RBBP8: variants seen among roughly 807,000 people sequenced by gnomAD.
RBBP8 encodes the protein RB binding protein 8, endonuclease.
A neutral mutation model predicts 108.3 loss-of-function variants in RBBP8; 88 were observed. The observed-to-expected ratio is 0.81, with a 90% confidence interval of 0.68 to 0.97. RBBP8 has a LOEUF of 0.97. Ranked by LOEUF, RBBP8 falls within the 50% of genes least tolerant of loss-of-function variation. The pLI, the probability that RBBP8 is intolerant of heterozygous loss-of-function variation, is 0.00. For missense variants in RBBP8, 1,023 were observed against 1,049.0 expected, an observed-to-expected ratio of 0.98 and a Z score of 0.34; for synonymous variants, 332 against 348.2, an observed-to-expected ratio of 0.95 and a Z score of 0.52.
chr18:22,948,260 C>G (rs1001354329), intron 3 of RBBP8, among the ~76,000 whole-genome samples: 3 of 152,126 alleles, frequency 2.0e-5, no homozygotes, highest in East Asian at 3.9e-4. Context: ...CATGATTAAT[C>G]ACACCTCCAG....
intron 6 of RBBP8, among the ~76,000 whole-genome samples, chr18:22,976,836 T>G (rs1176399840): frequency 6.6e-6 from 1 of 152,102 alleles, no homozygotes; most frequent in Non-Finnish European, 1.5e-5. Flanking sequence ...AGATAGACGA[T>G]TGCCTCAAAA....
Position 23,012,207 on chromosome 18 carries a change from C to CAAAAAAAA in RBBP8, c.2358-4621_2358-4620insAAAAAAAA, listed in dbSNP as rs368600707. 4.3e-3 allele frequency among the ~76,000 whole-genome samples: 352 copies of CAAAAAAAA among 81,100 alleles called. 88 individuals carry two copies. The highest frequency in any genetic ancestry group is 0.01 in the African/African-American group (221 of 21,350). The allele number at this position is 81,100 out of a possible 152,430, so 53.2% of individuals were successfully genotyped here. A position where few individuals can be genotyped will look rare whatever the true frequency, so the allele number is the denominator to read the frequency against. On this transcript the variant is annotated intron_variant, in intron 16 of 18. Coordinates refer to ENST00000327155, the MANE Select transcript of RBBP8 (RefSeq NM_002894.3). ...TGGGAGACAAAGTGAGATGCTGTCT[C>CAAAAAAAA]CAAAAAAAAAAAAAAAAAAAAAAAC...
intron 3 of RBBP8, among the ~76,000 whole-genome samples, chr18:22,947,681 G>T (rs1359765651): frequency 6.6e-6 from 1 of 151,972 alleles, no homozygotes; most frequent in Admixed American, 6.6e-5. Flanking sequence ...TGAGGTCCAG[G>T]GTAGACCTGT....
At chr18:22,992,415 C>A (rs1425339627) in intron 10 of RBBP8, among the ~76,000 whole-genome samples, 1 of 152,116 alleles carries the variant, frequency 6.6e-6, no homozygotes, top group Non-Finnish European at 1.5e-5. Context: ...AGGCTGGCCT[C>A]GAACTTCTGG....
chr18:23,001,182 A>C (rs923986313), intron 14 of RBBP8, among the ~76,000 whole-genome samples: 1 of 152,234 alleles, frequency 6.6e-6, no homozygotes, highest in Non-Finnish European at 1.5e-5. Context: ...GACAGCTTGC[A>C]AGTAACATTC....
At chr18:22,983,877 C>T (rs1023557211) in intron 7 of RBBP8, among the ~76,000 whole-genome samples, 2 of 92,122 alleles carry the variant, frequency 2.2e-5, no homozygotes, top group Admixed American at 1.3e-4. Flanking sequence ...GTCAGGAGAT[C>T]GAGACCATCC....
intron 5 of RBBP8, among the ~76,000 whole-genome samples, chr18:22,970,126 A>G (rs183198086): frequency 6.0e-4 from 92 of 152,322 alleles, no homozygotes; most frequent in Non-Finnish European, 1.0e-3. Flanking sequence ...TGCAGTCTCT[A>G]CGCATCACTT....
chr18:22,937,437 A>G (rs1320666785), intron 2 of RBBP8, among the ~76,000 whole-genome samples: 5 of 151,048 alleles, frequency 3.3e-5, no homozygotes, highest in South Asian at 2.1e-4. Flanking sequence ...AATTCAGTCC[A>G]CTGTTGAATT....
At chr18:22,935,513 A>T (rs923268120) in intron 1 of RBBP8, among the ~76,000 whole-genome samples, 39 of 152,170 alleles carry the variant, frequency 2.6e-4, no homozygotes, top group African/African-American at 9.4e-4. Flanking sequence ...ATTTTTGCAA[A>T]GCTTGATAGT....
At chr18:22,916,073 A>C (rs898277945) in intron 2 of RBBP8, among the ~76,000 whole-genome samples, 1 of 152,142 alleles carries the variant, frequency 6.6e-6, no homozygotes, top group African/African-American at 2.4e-5. Context: ...TAAATTTGTC[A>C]ATCAAATTAG....
intron 15 of RBBP8, among the ~76,000 whole-genome samples, chr18:23,005,531 G>A (rs1342421482): frequency 6.6e-6 from 1 of 152,080 alleles, no homozygotes; most frequent in East Asian, 2.0e-4. Flanking sequence ...TCCTGCCTCA[G>A]CCTCCCGAGT....
chr18:23,022,658 TAAAATAAAATAAATA>T (rs2046383963), intron 18 of RBBP8, among the ~76,000 whole-genome samples: 2 of 83,760 alleles, frequency 2.4e-5, no homozygotes, highest in African/African-American at 6.6e-5. Context: ...CAATATAAAA[TAAAATAAAATAAATA>T]ACTGTATATG....
upstream of RBBP8, among the ~76,000 whole-genome samples, chr18:22,932,068 T>C (rs1910063384): frequency 6.6e-6 from 1 of 152,082 alleles, no homozygotes; most frequent in South Asian, 2.1e-4. Context: ...GCGTGATGGC[T>C]TGGATATGGA....
intron 2 of RBBP8, among the ~76,000 whole-genome samples, chr18:22,946,055 T>C (rs935556749): frequency 6.6e-6 from 1 of 152,234 alleles, no homozygotes; most frequent in Non-Finnish European, 1.5e-5. Context: ...TTGCTACTAG[T>C]CCAGGACTTC....
upstream of RBBP8, chr18:22,929,481 T>TGTGTGTGG: frequency 3.2e-4 from 2 of 6,160 alleles, no homozygotes; most frequent in Non-Finnish European, 5.4e-4. Context: ...TGTGTGTGTG[T>TGTGTGTGG]GTGTGTGTGT....
At chr18:22,922,908 AC>A (rs1273542905) in intron 3 of RBBP8, among the ~76,000 whole-genome samples, 1 of 152,226 alleles carries the variant, frequency 6.6e-6, no homozygotes, top group African/African-American at 2.4e-5. Flanking sequence ...ATATAATAAT[AC>A]TATCTAACTT....
chr18:23,020,104 ATTT>A (rs542049374), intron 17 of RBBP8, among the ~76,000 whole-genome samples: 3 of 138,636 alleles, frequency 2.2e-5, no homozygotes, highest in Non-Finnish European at 3.1e-5. Flanking sequence ...TCTCCTGGTC[ATTT>A]TTTTTTTTTT....
At chr18:23,003,536 A>G (rs1356118149) in intron 15 of RBBP8, among the ~76,000 whole-genome samples, 2 of 152,172 alleles carry the variant, frequency 1.3e-5, no homozygotes, top group South Asian at 4.1e-4. Context: ...CTCGTTACAC[A>G]TTGTATGTCT....
At chr18:23,001,881 T>C (rs2045954709) in intron 15 of RBBP8, 152 bp downstream of exon 15, 5 of 1,131,858 alleles carry the variant, frequency 4.4e-6, no homozygotes, top group Admixed American at 5.1e-5. Context: ...AATTTTGAGA[T>C]AATTTTACAC....
Sources: gnomAD v4.1 joint callset for allele counts (sites outside exome capture counted in the v4.1 genomes callset) on GRCh38, gnomAD v4.1.1 for gene constraint, MANE v1.5 for transcripts, NCBI Gene and HGNC (gene_info 2026-07-23, HGNC 2026-07-21) for gene names.